Variants in CLIP4 observed in about 807,000 individuals in gnomAD.
CLIP4 encodes CAP-Gly domain-containing linker protein 4.
In CLIP4, 47 loss-of-function variants were observed where a neutral mutation model predicts 73.1. The observed-to-expected ratio is 0.64, with a 90% CI of 0.51 to 0.82. CLIP4 has a LOEUF of 0.82. Among genes scored for constraint, CLIP4 ranks in the 40% least tolerant of loss-of-function variants. The pLI, the probability that CLIP4 is intolerant of heterozygous loss-of-function variation, is 0.00. For missense variants in CLIP4, 874 were observed against 852.9 expected, an observed-to-expected ratio of 1.02 and a Z score of -0.31; for synonymous variants, 306 against 295.4, an observed-to-expected ratio of 1.04 and a Z score of -0.37.
intron 8 of CLIP4, among the ~76,000 whole-genome samples, chr2:29,152,089 A>G (rs565237986): frequency 6.6e-6 from 1 of 152,324 alleles, no homozygotes; most frequent in East Asian, 1.9e-4. Context: ...GTAATTAGGT[A>G]CAGTGGGGGA....
chr2:29,169,675 T>G (rs1260884804), intron 14 of CLIP4, among the ~76,000 whole-genome samples: 1 of 152,162 alleles, frequency 6.6e-6, no homozygotes, highest in African/African-American at 2.4e-5. Flanking sequence ...TTGATGCACG[T>G]ATACAATGTG....
intron 12 of CLIP4, among the ~76,000 whole-genome samples, chr2:29,161,964 C>G (rs1245905104): frequency 6.6e-6 from 1 of 152,204 alleles, no homozygotes; most frequent in East Asian, 1.9e-4. Context: ...TGCAAGCCAA[C>G]TGCGTGATTT....
chr2:29,136,911 CAG>C (rs1665405826), intron 6 of CLIP4, among the ~76,000 whole-genome samples: 1 of 150,736 alleles, frequency 6.6e-6, no homozygotes, highest in Middle Eastern at 3.4e-3. Flanking sequence ...CAATTTAGGC[CAG>C]AAGCAGATTA....
At chr2:29,134,234 G>C (rs540751940) in intron 5 of CLIP4, among the ~76,000 whole-genome samples, 1 of 152,034 alleles carries the variant, frequency 6.6e-6, no homozygotes, top group African/African-American at 2.4e-5. Flanking sequence ...TCAACTTAAG[G>C]GATAATATTT....
At chr2:29,107,797 C>T (rs1159968973) in intron 1 of CLIP4, among the ~76,000 whole-genome samples, 2 of 152,156 alleles carry the variant, frequency 1.3e-5, no homozygotes, top group Non-Finnish European at 2.9e-5. Flanking sequence ...AGCGAGCCTC[C>T]TGCCTCAGCC....
chr2:29,156,613 A>G lies in CLIP4; in HGVS notation c.1255+170A>G, dbSNP rs544516503. 1.4e-4 allele frequency among the ~76,000 whole-genome samples: 22 copies of G among 152,328 alleles called. No individual in the cohort carries two copies. The South Asian group carries it at 3.9e-3, about 27-fold the overall frequency. ...AAGCAGCTCATAGCAAGCTATATAC[A>G]TTATATTTTTTGTGTGTAAAGTACT... On this transcript the variant is annotated intron_variant, in intron 10 of 15. Coordinates refer to ENST00000320081, the MANE Select transcript of CLIP4 (RefSeq NM_024692.6).
upstream of CLIP4, among the ~76,000 whole-genome samples, chr2:29,113,823 C>T (rs1400946887): frequency 6.6e-6 from 1 of 152,214 alleles, no homozygotes; most frequent in Non-Finnish European, 1.5e-5. The surrounding 1 kb of genome is among the most constrained non-coding windows in gnomAD (Gnocchi z 4.0). Context: ...TTATGACTTT[C>T]TGTGGTTCAA....
In CLIP4 at chr2:29,156,456, G is replaced by C. The variant is rs1666930842; in HGVS notation, c.1255+13G>C. On this transcript the variant is annotated intron_variant, in intron 10 of 15. Transcript: ENST00000320081. Reference sequence around the variant, plus strand: ...ACAGAGAAAGATGGTAATATACCTTGTAACCTCTGTTTCTCAAAATTTAAC... The same window carrying C: ...ACAGAGAAAGATGGTAATATACCTTCTAACCTCTGTTTCTCAAAATTTAAC... 6.6e-7 allele frequency: 1 copy of C among 1,511,940 alleles called. No homozygotes were observed. The highest frequency in any genetic ancestry group is 1.3e-5 in the South Asian group (1 of 79,580). The allele number at this position is 1,511,940 out of a possible 1,614,324, so 93.7% of individuals were successfully genotyped here. A position where few individuals can be genotyped will look rare whatever the true frequency, so the allele number is the denominator to read the frequency against.
In CLIP4 at chr2:29,139,022, G is replaced by A. The variant is rs891511885; in HGVS notation, c.648+3356G>A. The stretch of plus-strand genomic sequence containing the variant: ...TTTTCTTGCCTAATTACTCTGGCTA[G>A]GACTTCCAGTACTATGTTGAATAGG... On this transcript the variant is annotated intron_variant, in intron 6 of 15. Coordinates refer to ENST00000320081, the MANE Select transcript of CLIP4 (RefSeq NM_024692.6). Among the ~76,000 whole-genome samples the A allele has an allele frequency of 2.0e-5, 3 of 152,038 alleles. 1 individual carries two copies. The highest frequency in any genetic ancestry group is 6.6e-5 in the Admixed American group (1 of 15,262).
intron 1 of CLIP4, among the ~76,000 whole-genome samples, chr2:29,103,278 CTTAA>C (rs1315592722): frequency 3.3e-4 from 50 of 152,036 alleles, no homozygotes; most frequent in South Asian, 6.2e-4. Context: ...AAAATTTAAA[CTTAA>C]TTAGACAACC....
chr2:29,127,086 G>A (rs1664656313), intron 2 of CLIP4, among the ~76,000 whole-genome samples: 1 of 152,060 alleles, frequency 6.6e-6, no homozygotes, highest in Admixed American at 6.5e-5. Flanking sequence ...GTCTCATTAA[G>A]CTGGCCTGAT....
chr2:29,150,537 A>G (rs940668443), intron 8 of CLIP4, among the ~76,000 whole-genome samples: 2 of 152,134 alleles, frequency 1.3e-5, no homozygotes, highest in Non-Finnish European at 2.9e-5. Flanking sequence ...CTTCTCTTAT[A>G]AATGTTTATT....
At chr2:29,160,249 C>A in intron 11 of CLIP4, 84 bp from the exon 12 acceptor site, 1 of 1,569,950 alleles carries the variant, frequency 6.4e-7, no homozygotes, top group Non-Finnish European at 8.7e-7. Context: ...GATTTTTTGG[C>A]TAATGTGCTT....
chr2:29,183,474 CTT>C lies in CLIP4; in HGVS notation c.*1582_*1583del, dbSNP rs1156398652. On this transcript the variant is annotated 3_prime_UTR_variant, in exon 16 of 16. Transcript: ENST00000320081. ...GACTGTACTGCGATTCAAAAGTAAA[CTT>C]ATTTTATTATACAGATTATTTCTTA... is the stretch of plus-strand genomic sequence containing the variant. The C allele has an allele frequency of 3.3e-5, 5 of 152,678 alleles. No homozygotes were observed. Among genetic ancestry groups the C allele is most frequent in the Non-Finnish European group, 5.9e-5 (4 of 67,996 alleles). The allele number at this position is 152,678 out of a possible 1,614,324, so 9.5% of individuals were successfully genotyped here.
intron 1 of CLIP4, among the ~76,000 whole-genome samples, chr2:29,099,904 T>G (rs1179635182): frequency 6.6e-6 from 1 of 152,230 alleles, no homozygotes; most frequent in South Asian, 2.1e-4. Context: ...TGTACATATT[T>G]TGTTAGATTT....
At position 29,181,689 on chromosome 2, in the gene CLIP4, T is replaced by A; in HGVS notation, c.1914T>A (p.Gly638=). The A allele has an allele frequency of 6.2e-7, 1 of 1,614,122 alleles. No homozygotes were observed. The highest frequency in any genetic ancestry group is 8.5e-7 in the Non-Finnish European group (1 of 1,180,016). Residue 638 remains glycine (G), a synonymous_variant, in exon 16 of 16, where the codon GGT becomes GGA. Coordinates refer to ENST00000320081, the MANE Select transcript of CLIP4 (RefSeq NM_024692.6). ...QVLLTSSNEM[G]TVRYVGPTDF... ...TGCTCACGAGCTCCAATGAGATGGG[T>A]ACTGTTAGGTATGTGGGCCCCACTG...
chr2:29,161,436 G>C (rs1441550921), intron 12 of CLIP4, among the ~76,000 whole-genome samples: 3 of 151,702 alleles, frequency 2.0e-5, no homozygotes, highest in Non-Finnish European at 4.4e-5. Context: ...AAAAAAAAAA[G>C]TTTGTAGCAT....
chr2:29,181,525 G>A (rs900153677), intron 15 of CLIP4, 47 bp from the exon 16 acceptor site: 10 of 1,451,408 alleles, frequency 6.9e-6, no homozygotes, highest in South Asian at 2.7e-5. Flanking sequence ...ATTGCATTAC[G>A]TGGCTTCAGC....
chr2:29,122,537 A>G lies in CLIP4; in HGVS notation c.133+1016A>G, dbSNP rs189053997. Among the ~76,000 whole-genome samples the G allele has an allele frequency of 1.6e-3, 251 of 152,286 alleles. 1 individual carries two copies. The highest frequency in any genetic ancestry group is 8.1e-4 in the Non-Finnish European group (55 of 68,018). On this transcript the variant is annotated intron_variant, in intron 2 of 15. Coordinates refer to ENST00000320081, the MANE Select transcript of CLIP4 (RefSeq NM_024692.6). ...AATCATTTTATTTTTGTTTATCTCA[A>G]AAAGGCTAATATAGTCATTTGTTAT...
Sources: gnomAD v4.1 joint callset for allele counts (sites outside exome capture counted in the v4.1 genomes callset) on GRCh38, gnomAD v4.1.1 for gene constraint, Gnocchi (gnomAD v3.1) non-coding constraint, MANE v1.5 for transcripts, NCBI Gene and HGNC (gene_info 2026-07-23, HGNC 2026-07-21) for gene names.